Variants in SFI1 observed in about 807,000 individuals in gnomAD.
SFI1 encodes the protein SFI1 centrin binding protein, also known as protein SFI1 homolog.
SFI1 carries 195 observed loss-of-function variants against 207.5 expected under a neutral mutation model. The ratio of observed to expected loss-of-function variants is 0.94; its 90% confidence interval spans 0.84 to 1.06. The LOEUF is 1.06. SFI1 is among the 50% of genes least tolerant of loss of function. The probability of loss-of-function intolerance (pLI) is 0.00; values close to 1 mark genes in which losing one functional copy is unlikely to be tolerated. For synonymous variants in SFI1, 630 were observed against 598.9 expected (o/e 1.05, Z -0.76); for missense variants, 1,634 against 1,588.0 (o/e 1.03, Z -0.49).
At chr22:31,611,462 G>A (rs2070127536) in intron 23 of SFI1, among the ~76,000 whole-genome samples, 159 bp downstream of exon 23, 1 of 152,222 alleles carries the variant, frequency 6.6e-6, no homozygotes, top group African/African-American at 2.4e-5. Context: ...AGCTGCAGGA[G>A]CCTTTCTGGG....
chr22:31,516,815 A>G (rs1322304056), intron 2 of SFI1, among the ~76,000 whole-genome samples: 1 of 151,692 alleles, frequency 6.6e-6, no homozygotes, highest in Non-Finnish European at 1.5e-5. Flanking sequence ...TTTGCCGGGC[A>G]TGGTGGCACA....
chr22:31,528,877 T>A lies in SFI1; in HGVS notation c.266+14T>A. On this transcript the variant is annotated intron_variant, in intron 3 of 32. Transcript: ENST00000400288. The stretch of plus-strand genomic sequence containing the variant: ...ACTGCGCATCAGGTGAGCTTATGAG[T>A]GGCCACCAGTCTATGGGTACTTTGC... 6.2e-7 allele frequency: 1 copy of A among 1,604,330 alleles called. No individual in the cohort carries two copies. Among genetic ancestry groups the A allele is most frequent in the East Asian group, 2.2e-5 (1 of 44,664 alleles).
At chr22:31,517,448 G>A (rs777137619) in intron 2 of SFI1, among the ~76,000 whole-genome samples, 13 of 151,612 alleles carry the variant, frequency 8.6e-5, no homozygotes, top group Non-Finnish European at 1.8e-4. Flanking sequence ...GGCTTTCATC[G>A]CACTGCCCAA....
intron 7 of SFI1, among the ~76,000 whole-genome samples, chr22:31,558,665 G>A (rs2061395019): frequency 6.6e-6 from 1 of 151,964 alleles, no homozygotes; most frequent in Non-Finnish European, 1.5e-5. Context: ...TTTTACTAGA[G>A]GCAGGGTTTC....
intron 6 of SFI1, among the ~76,000 whole-genome samples, chr22:31,551,563 T>C (rs1438382343): frequency 2.0e-5 from 3 of 152,244 alleles, no homozygotes; most frequent in Admixed American, 2.0e-4. Flanking sequence ...AGTTCAGTTC[T>C]AAGACTTTGA....
chr22:31,610,651 C>G (rs7286233), intron 22 of SFI1, among the ~76,000 whole-genome samples: 1,949 of 152,324 alleles, frequency 0.013, 45 homozygotes, highest in African/African-American at 0.045. Context: ...GAGGGCATGG[C>G]CTGGCGACCA....
intron 8 of SFI1, among the ~76,000 whole-genome samples, chr22:31,568,439 G>T (rs553734157): frequency 6.9e-6 from 1 of 144,140 alleles, no homozygotes; most frequent in African/African-American, 2.6e-5. Context: ...GGCTGAGCAC[G>T]AGAATCACTT....
In SFI1 at chr22:31,602,672, A is replaced by G; in HGVS notation, c.1692A>G (p.Ala564=). 6.2e-7 allele frequency: 1 copy of G among 1,614,238 alleles called. No homozygotes were observed. The highest frequency in any genetic ancestry group is 8.5e-7 in the Non-Finnish European group (1 of 1,180,042). Residue 564 remains alanine (A), a synonymous_variant, in exon 17 of 33, where the codon GCA becomes GCG. Transcript: ENST00000400288. ...GGTTCATGTGGCACCAGCAGGCAGC[A>G]GCACGTCACCAGGAGCAGGAGTGGC... ...RSWFMWHQQA[A]ARHQEQEWQT... is the part of the protein sequence containing the mutation.
At chr22:31,609,580 C>T (rs889992733) in intron 22 of SFI1, among the ~76,000 whole-genome samples, 1 of 152,236 alleles carries the variant, frequency 6.6e-6, no homozygotes, top group African/African-American at 2.4e-5. Flanking sequence ...TGCTCCAGGA[C>T]AAAACTGAAT....
At position 31,575,310 on chromosome 22, in the gene SFI1, G is replaced by T; in HGVS notation, c.1002G>T (p.Glu334Asp). Residue 334 changes from glutamate to aspartate, a missense_variant, in exon 10 of 33, where the codon GAG (glutamate) becomes GAT (aspartate). Physicochemically the swap from Glu to Asp is conservative, Grantham distance 45. Transcript: ENST00000400288. ...CDWQQAWERR[E>D]SLYAHHAQVE... ...GGCAGCAGGCCTGGGAGCGGAGGGAGAGCTTGTACGCTCACCATGCCCAGG... is the reference window on the plus strand; with the variant it reads ...GGCAGCAGGCCTGGGAGCGGAGGGATAGCTTGTACGCTCACCATGCCCAGG... The T allele has an allele frequency of 6.2e-7, 1 of 1,613,498 alleles. No individual in the cohort carries two copies. The highest frequency in any genetic ancestry group is 8.5e-7 in the Non-Finnish European group (1 of 1,179,760).
intron 27 of SFI1, chr22:31,614,410 A>G (rs2070985722): frequency 2.5e-6 from 1 of 399,974 alleles, no homozygotes; most frequent in African/African-American, 2.1e-5. Context: ...CTCGGGGGAG[A>G]TGTCAGGTGG....
At chr22:31,603,697 C>G in intron 17 of SFI1, 47 bp from the exon 18 acceptor site, 1 of 1,467,922 alleles carries the variant, frequency 6.8e-7, no homozygotes, top group Non-Finnish European at 9.0e-7. Flanking sequence ...AGAGGGTGCC[C>G]TCACTGGGTG....
chr22:31,531,067 C>T lies in SFI1; in HGVS notation c.276C>T (p.Ala92=). Residue 92 remains alanine (A), a synonymous_variant, in exon 4 of 33, where the codon GCC becomes GCT. Transcript: ENST00000400288. ...RLRELRIRCV[A]RKFLYLWIRM... ...TTTTTCCTTCTTTCAGATGCGTGGC[C>T]AGAAAGTTCTTATATTTATGGATTC... 6.2e-7 allele frequency: 1 copy of T among 1,612,322 alleles called. No individual in the cohort carries two copies. The highest frequency in any genetic ancestry group is 8.5e-7 in the Non-Finnish European group (1 of 1,179,548).
intron 4 of SFI1, among the ~76,000 whole-genome samples, chr22:31,541,743 CAAAAAA>C (rs71673219): frequency 1.2e-5 from 1 of 86,226 alleles, no homozygotes; most frequent in African/African-American, 5.0e-5. Context: ...GACTCCATCT[CAAAAAA>C]AAAAAAAAAA....
intron 2 of SFI1, among the ~76,000 whole-genome samples, chr22:31,514,222 C>G (rs1274483230): frequency 6.7e-6 from 1 of 150,192 alleles, no homozygotes; most frequent in Non-Finnish European, 1.5e-5. Flanking sequence ...TAAAAATCAA[C>G]TGGCCGGGTG....
chr22:31,557,415 G>C (rs182623829), intron 7 of SFI1, among the ~76,000 whole-genome samples: 1 of 150,832 alleles, frequency 6.6e-6, no homozygotes, highest in African/African-American at 2.4e-5. Context: ...TCTTGAGTTC[G>C]TGGGCTCAAG....
chr22:31,613,746 A>G lies in SFI1; in HGVS notation c.2887A>G (p.Ile963Val), dbSNP rs1229621803. The G allele has an allele frequency of 6.2e-7, 1 of 1,613,150 alleles. No homozygotes were observed. Among genetic ancestry groups the G allele is most frequent in the East Asian group, 2.2e-5 (1 of 44,876 alleles). The change falls in exon 27 of 33, where the codon ATT (isoleucine) becomes GTT (valine). Residue 963 changes from isoleucine to valine, a missense_variant. Coordinates refer to ENST00000400288, the MANE Select transcript of SFI1 (RefSeq NM_001007467.3). ...GTTTGAGGGTCCCCTTCTCAACCGCATTGCTGCTGGGGCTGGGGATGGCAC... is the reference window on the plus strand; with the variant it reads ...GTTTGAGGGTCCCCTTCTCAACCGCGTTGCTGCTGGGGCTGGGGATGGCAC... ...VTFEGPLLNR[I>V]AAGAGDGTLE...
chr22:31,558,767 G>A (rs113376947), intron 7 of SFI1, among the ~76,000 whole-genome samples: 1,700 of 152,028 alleles, frequency 0.011, 39 homozygotes, highest in African/African-American at 0.039. Context: ...ATGAGCCACC[G>A]CGCCTGGCCT....
rs1053467883 is a variant in SFI1, at chr22:31,569,985, T to C, written c.766-3073T>C. Among the ~76,000 whole-genome samples, 29 of 148,464 alleles carry C rather than the reference T, an allele frequency of 2.0e-4. No homozygotes were observed. In the South Asian group the frequency reaches 5.9e-3, roughly 30 times the overall value. ...AAAAAAAATTAGCTGGGCATGGTGG[T>C]GCATGCCTGTGGTCCCAGCTGCTCA... On this transcript the variant is annotated intron_variant, in intron 8 of 32. Transcript: ENST00000400288.
Sources: gnomAD v4.1 joint callset for allele counts (sites outside exome capture counted in the v4.1 genomes callset) on GRCh38, gnomAD v4.1.1 for gene constraint, MANE v1.5 for transcripts, NCBI Gene and HGNC (gene_info 2026-07-23, HGNC 2026-07-21) for gene names.